DNAJC3: variants seen among roughly 807,000 people sequenced by gnomAD.
The protein encoded by DNAJC3 is dnaJ homolog subfamily C member 3.
A neutral mutation model predicts 68.6 loss-of-function variants in DNAJC3; 38 were observed. That is an observed-to-expected ratio of 0.55 (90% CI 0.43 to 0.73). The LOEUF (loss-of-function observed/expected upper bound fraction) is 0.73, where lower values mean the gene tolerates loss of function less well. Among genes scored for constraint, DNAJC3 ranks in the 30% least tolerant of loss-of-function variants. The pLI is 0.00. For synonymous variants in DNAJC3, 203 were observed against 204.0 expected, an observed-to-expected ratio of 1.00 and a Z score of 0.04; for missense variants, 526 against 591.9, an observed-to-expected ratio of 0.89 and a Z score of 1.16.
chr13:95,678,030 T>G (rs868433412), intron 1 of DNAJC3, among the ~76,000 whole-genome samples: 2 of 152,158 alleles, frequency 1.3e-5, no homozygotes, highest in African/African-American at 2.4e-5. Flanking sequence ...AAGGTTCCCT[T>G]AAAAAGATAC....
At chr13:95,761,408 G>T (rs928681103) in intron 7 of DNAJC3, among the ~76,000 whole-genome samples, 2 of 152,086 alleles carry the variant, frequency 1.3e-5, no homozygotes, top group Non-Finnish European at 2.9e-5. Context: ...AGAGTAGAGG[G>T]CACTGCAGAC....
chr13:95,776,220 A>T (rs1380557264), intron 9 of DNAJC3, among the ~76,000 whole-genome samples: 1 of 152,146 alleles, frequency 6.6e-6, no homozygotes, highest in Non-Finnish European at 1.5e-5. Flanking sequence ...AATGCGTCTG[A>T]TGCTGGAAGG....
intron 4 of DNAJC3, among the ~76,000 whole-genome samples, chr13:95,743,912 C>G (rs1232544525): frequency 6.6e-6 from 1 of 152,110 alleles, no homozygotes; most frequent in Non-Finnish European, 1.5e-5. Flanking sequence ...AGTGATTCTT[C>G]TTTTGTTCTT....
At chr13:95,772,246 G>T (rs1179821536) in intron 9 of DNAJC3, among the ~76,000 whole-genome samples, 1 of 152,188 alleles carries the variant, frequency 6.6e-6, no homozygotes, top group Non-Finnish European at 1.5e-5. Context: ...TATCCTTGAT[G>T]AAGGATATTT....
At position 95,763,832 on chromosome 13, in the gene DNAJC3, G is replaced by C. The variant is rs1227663402; in HGVS notation, c.955-1G>C. ...AATCCTTGTCTCACATTTCCTTTTA[G>C]GACGAGAAGCCTGTTGAAGCTATTA... On this transcript the variant is annotated splice_acceptor_variant, in intron 8 of 11. Coordinates refer to ENST00000602402, the MANE Select transcript of DNAJC3 (RefSeq NM_006260.5). LOFTEE classifies it high-confidence loss of function. 6.2e-7 allele frequency: 1 copy of C among 1,614,000 alleles called. No individual in the cohort carries two copies. Among genetic ancestry groups the C allele is most frequent in the Admixed American group, 1.7e-5 (1 of 60,002 alleles).
intron 2 of DNAJC3, among the ~76,000 whole-genome samples, chr13:95,715,855 C>G (rs1881125861): frequency 6.6e-6 from 1 of 151,252 alleles, no homozygotes; most frequent in Non-Finnish European, 1.5e-5. Context: ...TCATAACAAA[C>G]TATAGAAAAT....
At position 95,730,785 on chromosome 13, in the gene DNAJC3, T is replaced by C. The variant is rs186128815; in HGVS notation, c.393+5533T>C. Reference sequence around the variant, plus strand: ...TTTTTGCTCAGGATTGCTTTGGCTATTCAGGCTCTGTTTTGGTTTCATATG... The same window carrying C: ...TTTTTGCTCAGGATTGCTTTGGCTACTCAGGCTCTGTTTTGGTTTCATATG... On this transcript the variant is annotated intron_variant, in intron 4 of 11. Transcript: ENST00000602402. Among the ~76,000 whole-genome samples the C allele has an allele frequency of 2.6e-5, 4 of 152,332 alleles. No homozygotes were observed. The East Asian group carries it at 7.7e-4, about 29-fold the overall frequency.
intron 1 of DNAJC3, among the ~76,000 whole-genome samples, chr13:95,697,348 A>C (rs1880468872): frequency 6.6e-6 from 1 of 152,222 alleles, no homozygotes; most frequent in African/African-American, 2.4e-5. Context: ...GGAGTCTAAA[A>C]AGAGGCCCCA....
chr13:95,761,848 T>G (rs1882832872), intron 7 of DNAJC3, among the ~76,000 whole-genome samples: 1 of 152,044 alleles, frequency 6.6e-6, no homozygotes, highest in Non-Finnish European at 1.5e-5. Context: ...CAAGTGATCC[T>G]TCTGCCTCAG....
intron 1 of DNAJC3, among the ~76,000 whole-genome samples, chr13:95,696,807 G>A (rs528477719): frequency 7.9e-5 from 12 of 151,940 alleles, no homozygotes; most frequent in East Asian, 3.9e-4. Flanking sequence ...GTGCAGTGGC[G>A]TGATCTCGGC....
chr13:95,760,852 G>A lies in DNAJC3; in HGVS notation c.848+54G>A, dbSNP rs563465558. On this transcript the variant is annotated intron_variant, in intron 7 of 11. Coordinates refer to ENST00000602402, the MANE Select transcript of DNAJC3 (RefSeq NM_006260.5). ...GCCATTCCTTATGTGCGGGGCTGTG[G>A]GCACAAGTGAACTACAGAACTGCTC... 41 of 1,582,708 alleles carry A rather than the reference G, an allele frequency of 2.6e-5. 1 individual carries two copies. In the South Asian group the frequency reaches 4.5e-4, roughly 18 times the overall value.
intron 1 of DNAJC3, among the ~76,000 whole-genome samples, chr13:95,697,106 T>C (rs558558983): frequency 6.6e-6 from 1 of 152,334 alleles, no homozygotes; most frequent in Admixed American, 6.5e-5. Context: ...GAGTAATAGC[T>C]TTATAGGATC....
chr13:95,711,618 G>C (rs1465099830), intron 2 of DNAJC3, among the ~76,000 whole-genome samples: 4 of 152,128 alleles, frequency 2.6e-5, no homozygotes, highest in African/African-American at 9.7e-5. Context: ...GAGTAGTAGA[G>C]AAAGCCATTC....
chr13:95,770,876 T>C (rs940598403), intron 9 of DNAJC3, among the ~76,000 whole-genome samples: 2 of 152,110 alleles, frequency 1.3e-5, no homozygotes, highest in African/African-American at 4.8e-5. Flanking sequence ...GCATAAAACG[T>C]AGTAGTAGGA....
chr13:95,725,161 GC>G lies in DNAJC3; in HGVS notation c.319-12del. 1 of 1,538,388 alleles carries G rather than the reference GC, an allele frequency of 6.5e-7. No homozygotes were observed. ...TCTATAATATTCAAGATAATCCTCT[GC>G]CCCCTTTTTTTCTAGGCAAGATTAC... is the stretch of plus-strand genomic sequence containing the variant. On this transcript the variant is annotated splice_polypyrimidine_tract_variant and intron_variant, in intron 3 of 11. Transcript: ENST00000602402.
intron 6 of DNAJC3, among the ~76,000 whole-genome samples, 174 bp downstream of exon 6, chr13:95,760,395 A>C (rs1321432672): frequency 1.3e-5 from 2 of 152,148 alleles, no homozygotes; most frequent in African/African-American, 4.8e-5. Context: ...TTAATTCCAC[A>C]TAGTTTGTTT....
intron 4 of DNAJC3, among the ~76,000 whole-genome samples, chr13:95,729,292 TTCTCCC>T (rs1456544570): frequency 3.9e-5 from 3 of 77,244 alleles, no homozygotes; most frequent in Non-Finnish European, 7.3e-5. Context: ...CTCCCTCTCC[TTCTCCC>T]TCTCCCTCTC....
At chr13:95,679,714 ATATTAATCTGCTTCACTCT>A (rs1298319748) in intron 1 of DNAJC3, among the ~76,000 whole-genome samples, 3 of 152,166 alleles carry the variant, frequency 2.0e-5, no homozygotes, top group Non-Finnish European at 4.4e-5. Flanking sequence ...GATGATAGAT[ATATTAATCTGCTTCACTCT>A]TATTAATCTG....
intron 4 of DNAJC3, among the ~76,000 whole-genome samples, chr13:95,755,026 A>G (rs1882608902): frequency 6.6e-6 from 1 of 152,186 alleles, no homozygotes; most frequent in Non-Finnish European, 1.5e-5. Context: ...AGGAAGAGAA[A>G]GGATGTCAAG....
Sources: allele counts gnomAD v4.1 joint callset (sites outside exome capture counted in the v4.1 genomes callset), GRCh38; gene constraint gnomAD v4.1.1; transcripts MANE v1.5; gene names NCBI Gene and HGNC (gene_info 2026-07-23, HGNC 2026-07-21).